Variants in LARGE1 observed in about 807,000 individuals in gnomAD.
The protein encoded by LARGE1 is xylosyl- and glucuronyltransferase LARGE1.
A neutral mutation model predicts 87.6 loss-of-function variants in LARGE1; 43 were observed. The ratio of observed to expected loss-of-function variants is 0.49; its 90% CI spans 0.38 to 0.63. The LOEUF (loss-of-function observed/expected upper bound fraction) is 0.63, where lower values mean the gene tolerates loss of function less well. Ranked by LOEUF, LARGE1 falls within the 30% of genes least tolerant of loss-of-function variation. LARGE1 has a pLI of 0.00. For missense variants in LARGE1, 802 were observed against 1,000.2 expected, an observed-to-expected ratio of 0.80 and a Z score of 2.67; for synonymous variants, 434 against 394.6, an observed-to-expected ratio of 1.10 and a Z score of -1.18.
chr22:33,287,075 C>CTA (rs1373106589), intron 12 of LARGE1, among the ~76,000 whole-genome samples: 1 of 152,208 alleles, frequency 6.6e-6, no homozygotes, highest in Non-Finnish European at 1.5e-5. Flanking sequence ...AGACCATGCT[C>CTA]TAAAGACTTC....
At chr22:33,071,003 A>T in the LARGE1 span, among the ~76,000 whole-genome samples, 1 of 152,132 alleles carries the variant, frequency 6.6e-6, no homozygotes, top group Non-Finnish European at 1.5e-5. Flanking sequence ...CCTTCAACAC[A>T]TGCCAGAAAT....
chr22:33,205,356 A>G (rs1246258249), intron 11 of LARGE1, among the ~76,000 whole-genome samples: 1 of 152,236 alleles, frequency 6.6e-6, no homozygotes, highest in African/African-American at 2.4e-5. Flanking sequence ...TCTAAGGTAG[A>G]CCCCTAATTC....
At chr22:33,084,658 A>C in the LARGE1 span, among the ~76,000 whole-genome samples, 5 of 152,322 alleles carry the variant, frequency 3.3e-5, no homozygotes, top group South Asian at 1.0e-3. Context: ...TGGTCTCAAA[A>C]AAAACAAAAC....
intron 6 of LARGE1, among the ~76,000 whole-genome samples, chr22:33,523,068 G>A (rs183311617): frequency 1.1e-4 from 16 of 151,866 alleles, no homozygotes; most frequent in Non-Finnish European, 1.5e-4. Flanking sequence ...TCAATGGCGC[G>A]ATCTCGGCTC....
At chr22:33,224,674 C>T (rs1250457440) in intron 11 of LARGE1, among the ~76,000 whole-genome samples, 1 of 152,088 alleles carries the variant, frequency 6.6e-6, no homozygotes, top group African/African-American at 2.4e-5. Context: ...CCAACAAGCT[C>T]CCTGGTGCCA....
chr22:33,298,043 T>C (rs985095029), intron 12 of LARGE1, among the ~76,000 whole-genome samples: 3 of 150,426 alleles, frequency 2.0e-5, no homozygotes, highest in African/African-American at 7.4e-5. Flanking sequence ...GTCAGAAACC[T>C]GTACCAGTCT....
intron 11 of LARGE1, among the ~76,000 whole-genome samples, chr22:33,191,964 A>C (rs959562869): frequency 6.6e-6 from 1 of 152,182 alleles, no homozygotes; most frequent in Non-Finnish European, 1.5e-5. Flanking sequence ...TTCAAGCATA[A>C]TCAGAAATAT....
intron 3 of LARGE1, among the ~76,000 whole-genome samples, chr22:33,628,475 T>C (rs1369942123): frequency 3.3e-5 from 5 of 151,932 alleles, no homozygotes; most frequent in Admixed American, 3.3e-4. Context: ...CACTACTACG[T>C]CCAGGTAATT....
intron 6 of LARGE1, among the ~76,000 whole-genome samples, chr22:33,537,449 C>T (rs1284583926): frequency 6.6e-6 from 1 of 152,190 alleles, no homozygotes; most frequent in East Asian, 1.9e-4. Context: ...CTCCACCTCC[C>T]TCTTCCAAGA....
chr22:33,169,831 A>G (rs1922467826), intron 11 of LARGE1, among the ~76,000 whole-genome samples: 2 of 151,936 alleles, frequency 1.3e-5, no homozygotes, highest in African/African-American at 4.8e-5. Context: ...AGCCTGGGTG[A>G]TAGAGCAAGA....
chr22:33,209,745 A>T lies in LARGE1; in HGVS notation c.1731-42913T>A, dbSNP rs1924865066. 1.3e-5 allele frequency among the ~76,000 whole-genome samples: 2 copies of T among 152,312 alleles called. 1 individual carries two copies. Among genetic ancestry groups the T allele is most frequent in the East Asian group, 3.9e-4 (2 of 5,172 alleles). ...ACTGCAGCCTCGACCTCCTGGGCTC[A>T]AGTGATCCTCCCACCTCAGCTTCCT... On this transcript the variant is annotated intron_variant, in intron 11 of 11. Coordinates refer to the LARGE1 transcript ENST00000608642.
chr22:33,552,206 ACAT>A, intron 6 of LARGE1, among the ~76,000 whole-genome samples: 1 of 152,278 alleles, frequency 6.6e-6, no homozygotes, highest in African/African-American at 2.4e-5. Flanking sequence ...GCAAGAAGAG[ACAT>A]CATGGCAGAG....
At chr22:33,141,587 A>G in the LARGE1 span, among the ~76,000 whole-genome samples, 1 of 152,052 alleles carries the variant, frequency 6.6e-6, no homozygotes, top group Non-Finnish European at 1.5e-5. Context: ...CATCCAAAGG[A>G]CAATTTTTAG....
At chr22:33,231,301 C>T (rs1925994635) in intron 11 of LARGE1, among the ~76,000 whole-genome samples, 1 of 152,170 alleles carries the variant, frequency 6.6e-6, no homozygotes, top group South Asian at 2.1e-4. Flanking sequence ...TAGACAGAAG[C>T]TTTGGAGTCA....
intron 2 of LARGE1, among the ~76,000 whole-genome samples, chr22:33,713,972 G>GTAACA (rs796663388): frequency 0.013 from 1,581 of 119,670 alleles, 10 homozygotes; most frequent in Admixed American, 0.032. Context: ...AGTAAATAAC[G>GTAACA]TAACATAACG....
rs529771138 is a variant in LARGE1 at position 33,786,980 on chromosome 22, C to G, written c.-82-25422G>C. Among the ~76,000 whole-genome samples the G allele has an allele frequency of 1.4e-3, 203 of 147,804 alleles. 1 individual carries two copies. The highest frequency in any genetic ancestry group is 2.4e-3 in the Non-Finnish European group (165 of 67,458). ...AGGTTGAAGTGAGGCGAAATTGTGCCACTGCACTCCAGCCTGGGTGACAGA... is the reference window on the plus strand; with the variant it reads ...AGGTTGAAGTGAGGCGAAATTGTGCGACTGCACTCCAGCCTGGGTGACAGA... On this transcript the variant is annotated intron_variant, in intron 1 of 14. Coordinates refer to ENST00000397394, the MANE Select transcript of LARGE1 (RefSeq NM_133642.5).
chr22:33,726,466 G>C (rs533153521), intron 2 of LARGE1, among the ~76,000 whole-genome samples: 3 of 152,190 alleles, frequency 2.0e-5, no homozygotes. Context: ...TGAAATATTA[G>C]CATTATATAA....
At chr22:33,329,425 G>GTT (rs11445090) in intron 10 of LARGE1, among the ~76,000 whole-genome samples, 86 of 147,734 alleles carry the variant, frequency 5.8e-4, no homozygotes, top group African/African-American at 2.0e-3. Flanking sequence ...ACCTTTGTGG[G>GTT]TTTTTTTTTT....
At chr22:33,859,797 T>C (rs1189102239) in intron 1 of LARGE1, among the ~76,000 whole-genome samples, 1 of 152,096 alleles carries the variant, frequency 6.6e-6, no homozygotes, top group Non-Finnish European at 1.5e-5. Flanking sequence ...ACATATAAAG[T>C]AGAAGGAAAT....
Sources: allele counts gnomAD v4.1 joint callset (sites outside exome capture counted in the v4.1 genomes callset), GRCh38; gene constraint gnomAD v4.1.1; transcripts MANE v1.5; gene names NCBI Gene and HGNC (gene_info 2026-07-23, HGNC 2026-07-21).